Variants in PLCXD3 observed in about 807,000 individuals in gnomAD.
PLCXD3 encodes phosphatidylinositol specific phospholipase C X domain containing 3, also known as PI-PLC X domain-containing protein 3.
PLCXD3 carries 19 observed loss-of-function variants against 25.5 expected under a neutral mutation model. That is an observed-to-expected ratio of 0.75 (90% CI 0.52 to 1.09). The LOEUF is 1.09. Among genes scored for constraint, PLCXD3 ranks in the 50% least tolerant of loss-of-function variants. The pLI, the probability that PLCXD3 is intolerant of heterozygous loss-of-function variation, is 0.00. For missense variants in PLCXD3, 411 were observed against 388.1 expected, an observed-to-expected ratio of 1.06 and a Z score of -0.50; for synonymous variants, 174 against 137.6, an observed-to-expected ratio of 1.26 and a Z score of -1.85.
At chr5:41,332,164 A>G (rs1027213431) in intron 2 of PLCXD3, among the ~76,000 whole-genome samples, 5 of 152,024 alleles carry the variant, frequency 3.3e-5, no homozygotes, top group Non-Finnish European at 5.9e-5. Context: ...GCAACCTACA[A>G]AATGGGAGAA....
intron 1 of PLCXD3, among the ~76,000 whole-genome samples, chr5:41,469,436 A>T (rs1315043052): frequency 4.6e-5 from 7 of 150,814 alleles, no homozygotes; most frequent in Non-Finnish European, 1.0e-4. Flanking sequence ...AAAACATTTA[A>T]TATTAGTTCT....
chr5:41,505,856 C>T (rs920357471), intron 1 of PLCXD3, among the ~76,000 whole-genome samples: 3 of 152,174 alleles, frequency 2.0e-5, no homozygotes, highest in Non-Finnish European at 4.4e-5. Flanking sequence ...AGCTTTGAGT[C>T]AAATATGGTG....
At chr5:41,327,411 T>C (rs1346339434) in intron 2 of PLCXD3, among the ~76,000 whole-genome samples, 1 of 150,068 alleles carries the variant, frequency 6.7e-6, no homozygotes, top group Non-Finnish European at 1.5e-5. Context: ...CTGCAAAGAA[T>C]TTGATATTAA....
intron 1 of PLCXD3, among the ~76,000 whole-genome samples, chr5:41,498,408 G>T (rs1748886145): frequency 6.6e-6 from 1 of 151,400 alleles, no homozygotes; most frequent in Admixed American, 6.6e-5. Context: ...CAAAAAAATG[G>T]GATAAACCAG....
intron 1 of PLCXD3, among the ~76,000 whole-genome samples, chr5:41,448,891 T>C (rs574047380): frequency 6.6e-6 from 1 of 152,310 alleles, no homozygotes; most frequent in Admixed American, 6.5e-5. Context: ...TACATGTACA[T>C]ACACATTTTT....
At chr5:41,510,133 C>A (rs9292809) in intron 1 of PLCXD3, among the ~76,000 whole-genome samples, 16,138 of 152,090 alleles carry the variant, frequency 0.11, 1,194 homozygotes, top group African/African-American at 0.21. Flanking sequence ...CACGAGGCAC[C>A]ATCCTGGAGC....
chr5:41,468,465 G>C (rs924507199), intron 1 of PLCXD3, among the ~76,000 whole-genome samples: 1 of 152,024 alleles, frequency 6.6e-6, no homozygotes, highest in Non-Finnish European at 1.5e-5. Flanking sequence ...TGCTTTTGGT[G>C]GTATGACTAT....
chr5:41,463,133 CA>C, intron 1 of PLCXD3, among the ~76,000 whole-genome samples: 1 of 152,132 alleles, frequency 6.6e-6, no homozygotes, highest in East Asian at 1.9e-4. Flanking sequence ...CTTTTATAAT[CA>C]ATTGTATACA....
chr5:41,438,309 T>C (rs1412637024), intron 1 of PLCXD3, among the ~76,000 whole-genome samples: 3 of 152,216 alleles, frequency 2.0e-5, no homozygotes, highest in African/African-American at 7.2e-5. Context: ...ATGCTAATGA[T>C]AGAGACAGGA....
intron 1 of PLCXD3, among the ~76,000 whole-genome samples, chr5:41,444,817 G>T (rs1747459155): frequency 6.6e-6 from 1 of 152,098 alleles, no homozygotes; most frequent in South Asian, 2.1e-4. Flanking sequence ...TTAGCACCTG[G>T]TAGGCCTTTC....
At chr5:41,394,484 G>A (rs1745936015) in intron 1 of PLCXD3, among the ~76,000 whole-genome samples, 1 of 152,134 alleles carries the variant, frequency 6.6e-6, no homozygotes, top group Admixed American at 6.5e-5. Context: ...AACATTGAAT[G>A]TAAATAGAGT....
At chr5:41,353,620 GA>G (rs1209743843) in intron 2 of PLCXD3, among the ~76,000 whole-genome samples, 1 of 152,064 alleles carries the variant, frequency 6.6e-6, no homozygotes, top group African/African-American at 2.4e-5. Context: ...GAGCAAAAGA[GA>G]AAAAAATCCA....
At chr5:41,363,276 G>A (rs1744841707) in intron 2 of PLCXD3, among the ~76,000 whole-genome samples, 2 of 152,062 alleles carry the variant, frequency 1.3e-5, no homozygotes, top group Admixed American at 1.3e-4. Context: ...TGAGGATAAG[G>A]GGCTATGTCC....
At chr5:41,367,080 A>G (rs1346880979) in intron 2 of PLCXD3, among the ~76,000 whole-genome samples, 1 of 152,156 alleles carries the variant, frequency 6.6e-6, no homozygotes, top group East Asian at 1.9e-4. Context: ...TGCTATTGTG[A>G]GTAGTGCTGC....
At chr5:41,399,895 A>T (rs1746125471) in intron 1 of PLCXD3, among the ~76,000 whole-genome samples, 1 of 152,094 alleles carries the variant, frequency 6.6e-6, no homozygotes, top group Admixed American at 6.6e-5. Context: ...GCAATCAACA[A>T]ACTGAAGAGA....
chr5:41,399,603 T>C (rs113839555), intron 1 of PLCXD3, among the ~76,000 whole-genome samples: 1 of 152,100 alleles, frequency 6.6e-6, no homozygotes, highest in South Asian at 2.1e-4. Context: ...GAAAAGATAG[T>C]ATCTTCCATA....
At chr5:41,485,462 C>T (rs574142169) in intron 1 of PLCXD3, among the ~76,000 whole-genome samples, 1 of 152,256 alleles carries the variant, frequency 6.6e-6, no homozygotes, top group African/African-American at 2.4e-5. Context: ...ACTCCAGAGA[C>T]CCCCTCCTTC....
At chr5:41,491,100 C>G (rs375882944) in intron 1 of PLCXD3, among the ~76,000 whole-genome samples, 1 of 152,186 alleles carries the variant, frequency 6.6e-6, no homozygotes, top group Middle Eastern at 3.2e-3. Flanking sequence ...CTACACACTG[C>G]TTTGAATGTG....
chr5:41,422,813 T>C lies in PLCXD3; in HGVS notation c.104-40279A>G, dbSNP rs889583227. On this transcript the variant is annotated intron_variant, in intron 1 of 2. Transcript: ENST00000377801. ...TATGTGTGTTTTTCTTTTGCTTTTT[T>C]TGATACTGTACTAGCTGGTCCTCCA... Among the ~76,000 whole-genome samples the C allele has an allele frequency of 3.9e-5, 6 of 152,190 alleles. 1 individual carries two copies. In the South Asian group the frequency reaches 1.2e-3, roughly 32 times the overall value.
Sources: allele counts gnomAD v4.1 joint callset (sites outside exome capture counted in the v4.1 genomes callset), GRCh38; gene constraint gnomAD v4.1.1; transcripts MANE v1.5; gene names NCBI Gene and HGNC (gene_info 2026-07-23, HGNC 2026-07-21).